ZRANB3: variants seen among roughly 807,000 people sequenced by gnomAD.
ZRANB3 encodes zinc finger RANBP2-type containing 3.
ZRANB3 carries 125 observed loss-of-function variants against 133.8 expected under a neutral mutation model. The ratio of observed to expected loss-of-function variants is 0.93; its 90% CI spans 0.81 to 1.08. The LOEUF (loss-of-function observed/expected upper bound fraction) is 1.08, where lower values mean the gene tolerates loss of function less well. Ranked by LOEUF, ZRANB3 falls within the 50% of genes least tolerant of loss-of-function variation. The pLI, the probability that ZRANB3 is intolerant of heterozygous loss-of-function variation, is 0.00. For missense variants in ZRANB3, 1,229 were observed against 1,275.5 expected (o/e 0.96, Z 0.56); for synonymous variants, 387 against 432.7 (o/e 0.89, Z 1.31).
chr2:135,334,568 A>G (rs1684286258), intron 6 of ZRANB3, among the ~76,000 whole-genome samples: 1 of 152,186 alleles, frequency 6.6e-6, no homozygotes, highest in Non-Finnish European at 1.5e-5. Context: ...AAGGAGGGAC[A>G]GTGCAATTCC....
At chr2:135,277,415 A>G (rs1680881594) in intron 8 of ZRANB3, among the ~76,000 whole-genome samples, 1 of 152,258 alleles carries the variant, frequency 6.6e-6, no homozygotes, top group Non-Finnish European at 1.5e-5. Context: ...CCAAAGATCA[A>G]TAGATATTTG....
At chr2:135,214,678 A>G (rs778213029) in intron 17 of ZRANB3, among the ~76,000 whole-genome samples, 20 of 152,310 alleles carry the variant, frequency 1.3e-4, no homozygotes, top group Middle Eastern at 3.4e-3. Flanking sequence ...GCTTTTTGAT[A>G]TATGTGTGCG....
chr2:135,230,193 T>C (rs1296742340), intron 13 of ZRANB3, among the ~76,000 whole-genome samples: 1 of 152,220 alleles, frequency 6.6e-6, no homozygotes, highest in East Asian at 1.9e-4. Context: ...ATAAGGCATA[T>C]TTGCTACCAT....
At position 135,200,456 on chromosome 2, in the gene ZRANB3, T is replaced by A; in HGVS notation, c.3142-16A>T. On this transcript the variant is annotated splice_polypyrimidine_tract_variant and intron_variant, in intron 20 of 20. Coordinates refer to ENST00000264159, the MANE Select transcript of ZRANB3 (RefSeq NM_032143.4). ...TGGCAGTTCTCTAAAAGTTAAAAAATATGCATGTGTACACGTTAGGAAAAA... is the reference window on the plus strand; with the variant it reads ...TGGCAGTTCTCTAAAAGTTAAAAAAAATGCATGTGTACACGTTAGGAAAAA... 6.4e-7 allele frequency: 1 copy of A among 1,569,728 alleles called. No homozygotes were observed. The highest frequency in any genetic ancestry group is 8.7e-7 in the Non-Finnish European group (1 of 1,151,526).
chr2:135,505,859 G>T (rs1051877008), intron 1 of ZRANB3, among the ~76,000 whole-genome samples: 7 of 152,142 alleles, frequency 4.6e-5, no homozygotes, highest in African/African-American at 1.7e-4. Flanking sequence ...CTGATCGAAT[G>T]GGAAGGATGA....
chr2:135,283,418 G>A (rs1332227510), intron 8 of ZRANB3, among the ~76,000 whole-genome samples: 1 of 152,076 alleles, frequency 6.6e-6, no homozygotes, highest in African/African-American at 2.4e-5. Context: ...AGACCATCCT[G>A]GCTAACATGG....
intron 1 of ZRANB3, among the ~76,000 whole-genome samples, chr2:135,509,605 T>C (rs1437090463): frequency 6.6e-6 from 1 of 152,192 alleles, no homozygotes; most frequent in African/African-American, 2.4e-5. Flanking sequence ...GTTCTGGTTG[T>C]TATCTGGGTT....
chr2:135,323,458 A>G (rs1308743699), intron 6 of ZRANB3, among the ~76,000 whole-genome samples: 2 of 152,200 alleles, frequency 1.3e-5, no homozygotes, highest in Non-Finnish European at 2.9e-5. Context: ...GAGTGAAATG[A>G]TGATGACAGA....
chr2:135,370,292 C>T (rs1366731625), intron 3 of ZRANB3, among the ~76,000 whole-genome samples: 1 of 151,696 alleles, frequency 6.6e-6, no homozygotes, highest in East Asian at 1.9e-4. Context: ...AAGCAGTATA[C>T]TCTGCACCCA....
intron 12 of ZRANB3, among the ~76,000 whole-genome samples, chr2:135,232,845 A>G (rs940784269): frequency 1.3e-5 from 2 of 152,224 alleles, no homozygotes; most frequent in African/African-American, 4.8e-5. Context: ...AGATGGGGAA[A>G]AAACAGAGCA....
chr2:135,413,020 T>C (rs964705185), intron 2 of ZRANB3, among the ~76,000 whole-genome samples: 1 of 152,162 alleles, frequency 6.6e-6, no homozygotes, highest in African/African-American at 2.4e-5. Flanking sequence ...TGTTTCATAA[T>C]AGGTAAAAAG....
intron 2 of ZRANB3, among the ~76,000 whole-genome samples, chr2:135,490,136 C>T (rs1692308440): frequency 6.6e-6 from 1 of 152,182 alleles, no homozygotes; most frequent in African/African-American, 2.4e-5. Context: ...ACAGTGAGCA[C>T]TGCCTACAAA....
In ZRANB3 at chr2:135,350,158, T is replaced by C. The variant is rs775423440; in HGVS notation, c.417A>G (p.Ala139=). ...TATTCAGTGCATCTATCAAAGTCTT[T>C]GCATCTGCGGTTAAGAGACCATAAC... is the stretch of plus-strand genomic sequence containing the variant. ...VLGYGLLTAD[A]KTLIDALNNQ... Residue 139 remains alanine, a synonymous_variant, in exon 5 of 21, where the codon GCA becomes GCG. Transcript: ENST00000264159. 1 of 1,611,900 alleles carries C rather than the reference T, an allele frequency of 6.2e-7. No individual in the cohort carries two copies. Among genetic ancestry groups the C allele is most frequent in the East Asian group, 2.2e-5 (1 of 44,856 alleles).
chr2:135,442,251 A>C (rs1314337259), intron 2 of ZRANB3, among the ~76,000 whole-genome samples: 1 of 152,236 alleles, frequency 6.6e-6, no homozygotes, highest in Non-Finnish European at 1.5e-5. Context: ...CAGCAGAGTG[A>C]ACAGGCAACC....
intron 2 of ZRANB3, among the ~76,000 whole-genome samples, chr2:135,500,548 G>A (rs1159680952): frequency 6.6e-6 from 1 of 151,908 alleles, no homozygotes; most frequent in African/African-American, 2.4e-5. Flanking sequence ...TAGTTGAACA[G>A]GCAAAAGCAA....
intron 2 of ZRANB3, among the ~76,000 whole-genome samples, chr2:135,481,847 T>C (rs1185968975): frequency 5.3e-5 from 8 of 150,876 alleles, no homozygotes; most frequent in African/African-American, 7.4e-5. Context: ...TAGCTAGTTT[T>C]CCCAGCACCA....
At chr2:135,416,670 A>G (rs1206185609) in intron 2 of ZRANB3, among the ~76,000 whole-genome samples, 1 of 151,334 alleles carries the variant, frequency 6.6e-6, no homozygotes, top group Non-Finnish European at 1.5e-5. Flanking sequence ...AAGCCAAAAG[A>G]ACAAAGCTGG....
chr2:135,491,697 G>C (rs941860424), intron 2 of ZRANB3, among the ~76,000 whole-genome samples: 27 of 151,570 alleles, frequency 1.8e-4, no homozygotes, highest in Admixed American at 1.8e-3. Context: ...TTGTATTTTT[G>C]GTAGAGATGG....
At chr2:135,430,386 T>C (rs998246611) in intron 2 of ZRANB3, among the ~76,000 whole-genome samples, 3 of 151,906 alleles carry the variant, frequency 2.0e-5, no homozygotes, top group Non-Finnish European at 2.9e-5. Context: ...TTAGTTTTAC[T>C]TCAATAAATA....
Sources: gnomAD v4.1 joint callset for allele counts (sites outside exome capture counted in the v4.1 genomes callset) on GRCh38, gnomAD v4.1.1 for gene constraint, MANE v1.5 for transcripts, NCBI Gene and HGNC (gene_info 2026-07-23, HGNC 2026-07-21) for gene names.